ITIH5: variants seen among roughly 807,000 people sequenced by gnomAD.
ITIH5 encodes inter-alpha-trypsin inhibitor heavy chain H5.
Under a neutral mutation model 77.5 loss-of-function variants are expected in ITIH5, and 65 were observed. That is an observed-to-expected ratio of 0.84 (90% CI 0.69 to 1.03). The LOEUF is 1.03. ITIH5 is among the 50% of genes least tolerant of loss of function. The probability of loss-of-function intolerance (pLI) is 0.00; values close to 1 mark genes in which losing one functional copy is unlikely to be tolerated. For missense variants in ITIH5, 1,208 were observed against 1,213.1 expected (o/e 1.00, Z 0.06); for synonymous variants, 525 against 494.3 (o/e 1.06, Z -0.82).
rs554087523 is a variant in ITIH5, at chr10:7,616,962, G to A, written c.822+151C>T. On this transcript the variant is annotated intron_variant, in intron 6 of 13. Transcript: ENST00000397146. ...TAGGTTCCCTCAGCAAAAAAATACC[G>A]CTAGTCTCTTTGAAGAAATACTTTG... The A allele has an allele frequency of 1.2e-4, 61 of 489,448 alleles. No individual in the cohort carries two copies. In the South Asian group the frequency reaches 1.6e-3, roughly 13 times the overall value. 30.3% of individuals were successfully genotyped at this position (489,448 alleles called of 1,614,324 possible). A position where few individuals can be genotyped will look rare whatever the true frequency, so the allele number is the denominator to read the frequency against.
At chr10:7,656,611 T>G (rs1834187366) in intron 1 of ITIH5, among the ~76,000 whole-genome samples, 1 of 152,204 alleles carries the variant, frequency 6.6e-6, no homozygotes, top group Non-Finnish European at 1.5e-5. Context: ...ATGTTACTCA[T>G]GGCAAATCTC....
chr10:7,614,999 G>C (rs1214898047), intron 7 of ITIH5, among the ~76,000 whole-genome samples: 1 of 152,164 alleles, frequency 6.6e-6, no homozygotes, highest in Admixed American at 6.5e-5. Flanking sequence ...TGTAATCCCA[G>C]CACTTTGGGA....
intron 5 of ITIH5, among the ~76,000 whole-genome samples, chr10:7,635,025 C>T (rs1452289895): frequency 1.3e-5 from 2 of 152,108 alleles, no homozygotes. Flanking sequence ...TCTCAAACTC[C>T]TGATCTTCCC....
At chr10:7,657,996 T>C (rs1456557705) in intron 1 of ITIH5, among the ~76,000 whole-genome samples, 1 of 152,158 alleles carries the variant, frequency 6.6e-6, no homozygotes, top group Non-Finnish European at 1.5e-5. Context: ...ACATTGAGAA[T>C]TGGGGATTGC....
At chr10:7,589,294 C>T (rs1832745273) in intron 7 of ITIH5, among the ~76,000 whole-genome samples, 1 of 152,014 alleles carries the variant, frequency 6.6e-6, no homozygotes, top group African/African-American at 2.4e-5. Flanking sequence ...CATGTCTCTA[C>T]TAAAAAAATA....
intron 1 of ITIH5, among the ~76,000 whole-genome samples, chr10:7,664,121 T>C (rs1834322729): frequency 6.6e-6 from 1 of 152,228 alleles, no homozygotes; most frequent in Non-Finnish European, 1.5e-5. Flanking sequence ...AGTGTGCGGC[T>C]AGGCACAGTG....
intron 5 of ITIH5, among the ~76,000 whole-genome samples, chr10:7,629,509 C>T (rs199753721): frequency 1.6e-3 from 79 of 50,878 alleles, no homozygotes; most frequent in African/African-American, 0.01. Flanking sequence ...GTCCATGTTG[C>T]AGCGTGTGTC....
chr10:7,624,375 C>A (rs1049442385), intron 5 of ITIH5, among the ~76,000 whole-genome samples: 1 of 151,830 alleles, frequency 6.6e-6, no homozygotes, highest in East Asian at 1.9e-4. Context: ...GACATGGTGG[C>A]GCATGCCTGT....
intron 2 of ITIH5, among the ~76,000 whole-genome samples, chr10:7,654,688 G>C (rs1449361599): frequency 6.6e-6 from 1 of 152,224 alleles, no homozygotes; most frequent in Admixed American, 6.5e-5. Context: ...ATTACTGTGA[G>C]TAATAAATCA....
chr10:7,663,234 A>T (rs938865855), intron 1 of ITIH5, among the ~76,000 whole-genome samples: 11 of 152,214 alleles, frequency 7.2e-5, no homozygotes, highest in African/African-American at 2.7e-4. Flanking sequence ...CTCAGAAAGG[A>T]CTTCCTGGTT....
intron 5 of ITIH5, among the ~76,000 whole-genome samples, chr10:7,628,873 G>A (rs116888207): frequency 0.047 from 2,754 of 59,176 alleles, 242 homozygotes; most frequent in South Asian, 0.1. Context: ...GCGTGTGTCC[G>A]TGTTGTAGCG....
intron 8 of ITIH5, among the ~76,000 whole-genome samples, chr10:7,582,080 T>C (rs773348632): frequency 8.6e-5 from 13 of 151,952 alleles, no homozygotes; most frequent in Non-Finnish European, 1.3e-4. Flanking sequence ...TTTCACCATG[T>C]TGGCCAGGCT....
chr10:7,644,716 T>A (rs1176082150), intron 2 of ITIH5, among the ~76,000 whole-genome samples: 2 of 134,398 alleles, frequency 1.5e-5, no homozygotes, highest in African/African-American at 6.2e-5. Context: ...CACATATATA[T>A]CATATATATC....
At chr10:7,611,326 G>T (rs1833240287) in intron 7 of ITIH5, among the ~76,000 whole-genome samples, 1 of 152,238 alleles carries the variant, frequency 6.6e-6, no homozygotes. Context: ...AATGGCCCAT[G>T]CCATATTTTT....
chr10:7,566,337 G>T lies in ITIH5; in HGVS notation c.2220C>A (p.Tyr740Ter). Residue 740 changes from tyrosine (Y) to a stop codon, truncating the protein, a stop_gained, in exon 13 of 14, where the codon TAC (tyrosine) becomes TAA (stop). Coordinates refer to ENST00000397146, the MANE Select transcript of ITIH5 (RefSeq NM_030569.7). LOFTEE classifies it high-confidence loss of function. ...PPNGHKKQRT[Y>*]LRTITILINK... ...TGATGAGGATGGTGATAGTGCGCAAGTAAGTGCGCTGTTTCTTGTGGCCAT... is the reference window on the plus strand; with the variant it reads ...TGATGAGGATGGTGATAGTGCGCAATTAAGTGCGCTGTTTCTTGTGGCCAT... The T allele has an allele frequency of 6.2e-7, 1 of 1,611,930 alleles. No individual in the cohort carries two copies. The highest frequency in any genetic ancestry group is 8.5e-7 in the Non-Finnish European group (1 of 1,178,148).
At chr10:7,592,488 GAA>G (rs1452996647) in intron 7 of ITIH5, among the ~76,000 whole-genome samples, 2 of 152,192 alleles carry the variant, frequency 1.3e-5, no homozygotes, top group Non-Finnish European at 2.9e-5. Flanking sequence ...GGGACAGAGA[GAA>G]AGAGAGAAAC....
At chr10:7,645,997 T>A (rs1422871208) in intron 2 of ITIH5, among the ~76,000 whole-genome samples, 1 of 152,236 alleles carries the variant, frequency 6.6e-6, no homozygotes, top group African/African-American at 2.4e-5. Flanking sequence ...TGAGAGGAAG[T>A]GTTTACTTTG....
chr10:7,644,941 TATATATATATCACAC>T lies in ITIH5; in HGVS notation c.136-2866_136-2852del, dbSNP rs1564278586. ...ATATATATCACATATATATATCACATATATATATATCACACATATATATATATATATCAAGCACAC... is the reference window on the plus strand; with the variant it reads ...ATATATATCACATATATATATCACATATATATATATATATATCAAGCACAC... On this transcript the variant is annotated intron_variant, in intron 2 of 13. Transcript: ENST00000397146. Among the ~76,000 whole-genome samples the T allele has an allele frequency of 4.1e-4, 5 of 12,230 alleles. 1 individual carries two copies. The highest frequency in any genetic ancestry group is 1.3e-3 in the African/African-American group (5 of 3,852). 8.0% of individuals were successfully genotyped at this position (12,230 alleles called of 152,430 possible).
chr10:7,635,786 A>T (rs928276502), intron 5 of ITIH5, among the ~76,000 whole-genome samples: 2 of 152,132 alleles, frequency 1.3e-5, no homozygotes, highest in Non-Finnish European at 2.9e-5. Context: ...ATTATGTTAA[A>T]TACCAACATT....
Sources: gnomAD v4.1 joint callset for allele counts (sites outside exome capture counted in the v4.1 genomes callset) on GRCh38, gnomAD v4.1.1 for gene constraint, MANE v1.5 for transcripts, NCBI Gene and HGNC (gene_info 2026-07-23, HGNC 2026-07-21) for gene names.